Variants in DPYD observed in about 807,000 individuals in gnomAD.
DPYD encodes the protein dihydropyrimidine dehydrogenase, also known as dihydropyrimidine dehydrogenase [NADP(+)].
DPYD carries 109 observed loss-of-function variants against 116.2 expected under a neutral mutation model. The ratio of observed to expected loss-of-function variants is 0.94; its 90% CI spans 0.80 to 1.10. The LOEUF (loss-of-function observed/expected upper bound fraction) is 1.10. Among genes scored for constraint, DPYD ranks in the 50% least tolerant of loss-of-function variants. The pLI, the probability that DPYD is intolerant of heterozygous loss-of-function variation, is 0.00. For synonymous variants in DPYD, 440 were observed against 432.0 expected (o/e 1.02, Z -0.23); for missense variants, 1,302 against 1,254.5 (o/e 1.04, Z -0.57).
intron 16 of DPYD, among the ~76,000 whole-genome samples, chr1:97,366,485 G>T (rs923089994): frequency 3.3e-5 from 5 of 152,074 alleles, no homozygotes; most frequent in African/African-American, 1.2e-4. Flanking sequence ...ATAGTGCAAT[G>T]ATTTTCAAAC....
At chr1:97,177,151 G>T (rs1417380635) in intron 20 of DPYD, among the ~76,000 whole-genome samples, 1 of 152,058 alleles carries the variant, frequency 6.6e-6, no homozygotes, top group Non-Finnish European at 1.5e-5. Context: ...CACAGTCTGT[G>T]ATCCTTTTAA....
chr1:97,430,396 A>C (rs1675107431), intron 14 of DPYD, among the ~76,000 whole-genome samples: 1 of 152,172 alleles, frequency 6.6e-6, no homozygotes, highest in African/African-American at 2.4e-5. Flanking sequence ...TCTAAATGAG[A>C]AGAATAATTT....
intron 18 of DPYD, among the ~76,000 whole-genome samples, chr1:97,277,027 T>C (rs1285298738): frequency 1.3e-5 from 2 of 152,120 alleles, no homozygotes; most frequent in East Asian, 1.9e-4. Context: ...TATGCAGCCA[T>C]AAAAAAGAAT....
chr1:97,697,749 G>A (rs957881340), intron 6 of DPYD, among the ~76,000 whole-genome samples: 10 of 151,954 alleles, frequency 6.6e-5, no homozygotes, highest in Non-Finnish European at 1.5e-4. Context: ...AATTACAAAT[G>A]CCTATCCTGC....
chr1:97,164,333 A>G (rs143392476), intron 20 of DPYD, among the ~76,000 whole-genome samples: 3,556 of 152,270 alleles, frequency 0.023, 126 homozygotes, highest in African/African-American at 0.081. Flanking sequence ...CTGAAAGGGC[A>G]AAAGCTGACA....
intron 3 of DPYD, among the ~76,000 whole-genome samples, chr1:97,783,575 G>C (rs910352967): frequency 6.6e-6 from 1 of 151,780 alleles, no homozygotes; most frequent in Non-Finnish European, 1.5e-5. Context: ...TTGTGTTTTA[G>C]AGATGGGGTT....
chr1:97,186,936 CT>C (rs1027605770), intron 20 of DPYD, among the ~76,000 whole-genome samples: 34 of 152,168 alleles, frequency 2.2e-4, no homozygotes, highest in Non-Finnish European at 4.0e-4. Flanking sequence ...TGATTTCATT[CT>C]TTTTTTATGG....
Position 97,373,331 on chromosome 1 carries a change from T to C in DPYD, c.2058+230A>G, listed in dbSNP as rs11582179. Among the ~76,000 whole-genome samples the C allele has an allele frequency of 0.19, 29,675 of 152,224 alleles. 3,210 individuals are homozygous for C. Among genetic ancestry groups the C allele is most frequent in the Non-Finnish European group, 0.25 (16,834 of 67,990 alleles). ...AACTATTTGTTATGATATTACTTCCTGTCAAGCACATAATGTGATATTTTC... is the reference window on the plus strand; with the variant it reads ...AACTATTTGTTATGATATTACTTCCCGTCAAGCACATAATGTGATATTTTC... On this transcript the variant is annotated intron_variant, in intron 16 of 22. Transcript: ENST00000370192.
chr1:97,285,998 G>T (rs1445227767), intron 18 of DPYD, among the ~76,000 whole-genome samples: 1 of 152,096 alleles, frequency 6.6e-6, no homozygotes, highest in African/African-American at 2.4e-5. Flanking sequence ...ATTAATTGAT[G>T]CAGTTTCTTC....
intron 3 of DPYD, among the ~76,000 whole-genome samples, chr1:97,773,047 TAA>T: frequency 6.6e-6 from 1 of 152,308 alleles, no homozygotes; most frequent in South Asian, 2.1e-4. Flanking sequence ...TGTTTTGAAC[TAA>T]CTTTTTCAGA....
chr1:97,527,307 G>A (rs1649215595), intron 12 of DPYD, among the ~76,000 whole-genome samples: 1 of 152,044 alleles, frequency 6.6e-6, no homozygotes, highest in South Asian at 2.1e-4. Context: ...TTGATTTCCT[G>A]ACCTCGTGAT....
chr1:97,920,651 G>A (rs933700692), intron 1 of DPYD, among the ~76,000 whole-genome samples: 2 of 152,170 alleles, frequency 1.3e-5, no homozygotes, highest in Admixed American at 1.3e-4. Context: ...AACAGGTCCC[G>A]ACGCAAAGGG....
chr1:97,093,969 A>G lies in DPYD; in HGVS notation c.2766+4520T>C, dbSNP rs991125242. Among the ~76,000 whole-genome samples the G allele has an allele frequency of 2.0e-5, 3 of 152,086 alleles. No individual in the cohort carries two copies. The South Asian group carries it at 6.2e-4, about 32-fold the overall frequency. On this transcript the variant is annotated intron_variant, in intron 21 of 22. Coordinates refer to ENST00000370192, the MANE Select transcript of DPYD (RefSeq NM_000110.4). ...CTGGCAGCTTCAGCTATTCTCTCCCAAACATATGCAAGCATATGCAAGCCT... is the reference window on the plus strand; with the variant it reads ...CTGGCAGCTTCAGCTATTCTCTCCCGAACATATGCAAGCATATGCAAGCCT...
At chr1:97,803,896 T>C (rs1223777252) in intron 3 of DPYD, among the ~76,000 whole-genome samples, 2 of 151,836 alleles carry the variant, frequency 1.3e-5, no homozygotes, top group African/African-American at 4.8e-5. Flanking sequence ...CAGAAAATAC[T>C]TGGCAACTCC....
chr1:97,510,086 C>T (rs746707762), intron 13 of DPYD, among the ~76,000 whole-genome samples: 1 of 151,668 alleles, frequency 6.6e-6, no homozygotes, highest in Non-Finnish European at 1.5e-5. Context: ...CCATCATTAG[C>T]CATTTACAAA....
chr1:97,611,846 C>T (rs908143542), intron 8 of DPYD, among the ~76,000 whole-genome samples: 12 of 151,896 alleles, frequency 7.9e-5, no homozygotes, highest in African/African-American at 2.7e-4. Context: ...AAGTAGTGCT[C>T]GTGGTACTTA....
chr1:97,728,060 G>A (rs1663369653), intron 4 of DPYD, among the ~76,000 whole-genome samples: 1 of 151,908 alleles, frequency 6.6e-6, no homozygotes, highest in Non-Finnish European at 1.5e-5. Context: ...AGGAAAAAAT[G>A]TACAGAGCTA....
intron 15 of DPYD, among the ~76,000 whole-genome samples, chr1:97,381,590 T>C (rs1361419714): frequency 6.6e-6 from 1 of 152,180 alleles, no homozygotes; most frequent in Non-Finnish European, 1.5e-5. Context: ...AGTTTTAAAA[T>C]ATCCAAATAA....
chr1:97,914,387 A>G (rs1272491541), intron 1 of DPYD, among the ~76,000 whole-genome samples: 1 of 152,208 alleles, frequency 6.6e-6, no homozygotes, highest in Non-Finnish European at 1.5e-5. Context: ...TACTCCAGTT[A>G]GCACATGGAA....
Sources: allele counts gnomAD v4.1 joint callset (sites outside exome capture counted in the v4.1 genomes callset), GRCh38; gene constraint gnomAD v4.1.1; transcripts MANE v1.5; gene names NCBI Gene and HGNC (gene_info 2026-07-23, HGNC 2026-07-21).